The following SLC34A3 variants were observed in gnomAD, a reference collection of about 807,000 sequenced individuals.
SLC34A3 encodes the protein sodium-dependent phosphate transport protein 2C.
SLC34A3 carries 60 observed loss-of-function variants against 43.9 expected under a neutral mutation model. The observed-to-expected ratio is 1.37, with a 90% CI of 1.11 to 1.70. The LOEUF (loss-of-function observed/expected upper bound fraction) is 1.70, where lower values mean the gene tolerates loss of function less well. Ranked by LOEUF, SLC34A3 falls within the 40% of genes most tolerant of loss-of-function variation. The pLI is 0.00. For synonymous variants in SLC34A3, 451 were observed against 386.2 expected, an observed-to-expected ratio of 1.17 and a Z score of -1.97; for missense variants, 969 against 823.8, an observed-to-expected ratio of 1.18 and a Z score of -2.16.
rs1836491923 is a variant in SLC34A3 at position 137,234,832 on chromosome 9, C to T, written c.1335+101C>T. On this transcript the variant is annotated intron_variant, in intron 12 of 12. Coordinates refer to ENST00000673835, the MANE Select transcript of SLC34A3 (RefSeq NM_001177316.2). This position sits in a 1 kb window ranked among gnomAD's most constrained non-coding sequence, Gnocchi z 6.9. ...CCCGGGGCCCTAGGCTGGCTGTGCC[C>T]CCGCCTTCCTGGACCCCTTCCCTGG... 2 of 1,560,164 alleles carry T rather than the reference C, an allele frequency of 1.3e-6. No individual in the cohort carries two copies. The highest frequency in any genetic ancestry group is 1.7e-6 in the Non-Finnish European group (2 of 1,150,774).
Position 137,234,275 on chromosome 9 carries a change from G to T in SLC34A3, c.1092G>T (p.Ala364=). 1 of 1,610,418 alleles carries T rather than the reference G, an allele frequency of 6.2e-7. No individual in the cohort carries two copies. Residue 364 remains alanine, a splice_region_variant and synonymous_variant, in exon 10 of 13, where the codon GCG becomes GCT. Coordinates refer to ENST00000673835, the MANE Select transcript of SLC34A3 (RefSeq NM_001177316.2). This position sits in a 1 kb window ranked among gnomAD's most constrained non-coding sequence, Gnocchi z 6.9. ...VAQVVRTVIN[A]DFPFPLGWLG... ...AGGTCGTGAGGACAGTCATCAATGC[G>T]GGTGAGGGCGTGGGAGGAGGTGCGG...
At position 137,233,384 on chromosome 9, in the gene SLC34A3, C is replaced by G. The variant is rs944066507; in HGVS notation, c.736C>G (p.Leu246Val). Residue 246 changes from leucine (L) to valine (V), a missense_variant, in exon 7 of 13, where the codon CTC becomes GTC. Leu to Val is a conservative substitution (Grantham distance 32). Transcript: ENST00000673835. ...PDILKVLTKP[L>V]THLIVQLDSD... ...CATCCTCAAGGTGCTGACGAAGCCG[C>G]TCACACACCTCATCGTGCAGGTGAG... The G allele has an allele frequency of 1.2e-6, 2 of 1,604,758 alleles. No homozygotes were observed. Among genetic ancestry groups the G allele is most frequent in the Non-Finnish European group, 1.7e-6 (2 of 1,177,308 alleles).
In SLC34A3 at chr9:137,235,444, C is replaced by T. The variant is rs574758665; in HGVS notation, c.1336-508C>T. On this transcript the variant is annotated intron_variant, in intron 12 of 12. Transcript: ENST00000673835. ...TCTGCCCTGTCTCTATCCACTTAGA[C>T]CCTCCCAGTGCAGGGTCCTGCTCCA... Among the ~76,000 whole-genome samples, 3 of 152,310 alleles carry T rather than the reference C, an allele frequency of 2.0e-5. No individual in the cohort carries two copies. The South Asian group carries it at 6.2e-4, about 32-fold the overall frequency.
rs753473573 is a variant in SLC34A3, at chr9:137,234,029, G to A, written c.926-80G>A. 4.6e-5 allele frequency: 68 copies of A among 1,483,238 alleles called. No homozygotes were observed. In the East Asian group the frequency reaches 4.7e-4, roughly 10 times the overall value. 91.9% of individuals were successfully genotyped at this position (1,483,238 alleles called of 1,614,324 possible). A position where few individuals can be genotyped will look rare whatever the true frequency, so the allele number is the denominator to read the frequency against. On this transcript the variant is annotated intron_variant, in intron 9 of 12. Coordinates refer to ENST00000673835, the MANE Select transcript of SLC34A3 (RefSeq NM_001177316.2). The surrounding 1 kb of genome is among the most constrained non-coding windows in gnomAD (Gnocchi z 6.9). The stretch of plus-strand genomic sequence containing the variant: ...TGGAGAGGAACAGCACAGCCCCGGC[G>A]GACAGGCTGCCCTGTGAGGCCCGGC...
Position 137,232,641 on chromosome 9 carries a change from G to A in SLC34A3, c.242G>A (p.Gly81Asp), listed in dbSNP as rs201273897. ...GTCCTCAAGGCCTGCGGGCTCCTCG[G>A]CAGCCTGTACTTCTTCATCTGCTCT... ...GSVLKACGLLGSLYFFICSLD... is the reference protein window; with the variant it reads ...GSVLKACGLLDSLYFFICSLD... The change falls in exon 4 of 13, where the codon GGC (glycine) becomes GAC (aspartate). Residue 81 changes from glycine (G) to aspartate (D), a missense_variant. By Grantham distance (94) the Gly-to-Asp change is moderately conservative. Coordinates refer to ENST00000673835, the MANE Select transcript of SLC34A3 (RefSeq NM_001177316.2). 8.7e-5 allele frequency: 140 copies of A among 1,612,588 alleles called. No individual in the cohort carries two copies. Among genetic ancestry groups the A allele is most frequent in the Admixed American group, 1.7e-5 (1 of 60,006 alleles).
At chr9:137,232,238 G>A in intron 3 of SLC34A3, 77 bp downstream of exon 3, 4 of 1,395,050 alleles carry the variant, frequency 2.9e-6, no homozygotes, top group South Asian at 2.3e-5. Context: ...GAGCAGGGTG[G>A]GGCCTGCCCA....
rs553901281 is a variant in SLC34A3 at position 137,232,961 on chromosome 9, G to A, written c.448+34G>A. On this transcript the variant is annotated intron_variant, in intron 5 of 12. Coordinates refer to ENST00000673835, the MANE Select transcript of SLC34A3 (RefSeq NM_001177316.2). ...ACACTCCCTCCCCGGGTGGTGGGGG[G>A]GGCAGGGTGGGCCGCAGGCTGACTC... 5.0e-6 allele frequency: 8 copies of A among 1,606,404 alleles called. No individual in the cohort carries two copies. The Admixed American group carries it at 1.0e-4, about 20-fold the overall frequency.
In SLC34A3 at chr9:137,236,377, C is replaced by A; in HGVS notation, c.1761C>A (p.Cys587Ter). 1 of 1,539,056 alleles carries A rather than the reference C, an allele frequency of 6.5e-7. No individual in the cohort carries two copies. The change falls in exon 13 of 13, where the codon TGC (cysteine) becomes TGA (stop). Residue 587 changes from cysteine to a stop codon, truncating the protein, a stop_gained. Transcript: ENST00000673835. LOFTEE classifies it high-confidence loss of function. ...AGGCCACCACCAAAGAGGCCTACTG[C>A]TACGAGAACCCTGAGATCTTGGCCT... Reference protein sequence around the residue: ...PPKATTKEAYCYENPEILASQ... With the variant: ...PPKATTKEAY
intron 1 of SLC34A3, among the ~76,000 whole-genome samples, chr9:137,231,335 G>C (rs993357046): frequency 2.2e-4 from 33 of 152,210 alleles, no homozygotes; most frequent in Non-Finnish European, 1.0e-4. Flanking sequence ...GATGACACCA[G>C]ATAGGGGAGG....
In SLC34A3 at chr9:137,233,003, G is replaced by C. The variant is rs1345816189; in HGVS notation, c.449-1G>C. On this transcript the variant is annotated splice_acceptor_variant, in intron 5 of 12. Transcript: ENST00000673835. LOFTEE classifies it high-confidence loss of function. ...GGCTGACTCAGCCCCCCCACCAGCA[G>C]TGCTGACTGTCCGGGTGTCTGTGCC... The C allele has an allele frequency of 8.7e-6, 14 of 1,611,364 alleles. No homozygotes were observed. The highest frequency in any genetic ancestry group is 1.3e-5 in the African/African-American group (1 of 74,862).
chr9:137,235,810 C>T (rs1442212208), intron 12 of SLC34A3, 142 bp from the exon 13 acceptor site: 3 of 770,242 alleles, frequency 3.9e-6, no homozygotes, highest in Non-Finnish European at 6.5e-6. Flanking sequence ...CAGCCCGCCT[C>T]CCAGACGGCC....
intron 7 of SLC34A3, 103 bp from the exon 8 acceptor site, chr9:137,233,530 G>A: frequency 1.9e-6 from 3 of 1,543,892 alleles, no homozygotes; most frequent in South Asian, 1.1e-5. Context: ...GGGGAGGAGA[G>A]GGCAGCAGTG....
rs1344593865 is a variant in SLC34A3 at position 137,236,273 on chromosome 9, C to T, written c.1657C>T (p.Pro553Ser). The T allele has an allele frequency of 2.6e-6, 4 of 1,543,928 alleles. No individual in the cohort carries two copies. The highest frequency in any genetic ancestry group is 3.5e-6 in the Non-Finnish European group (4 of 1,147,178). The change falls in exon 13 of 13, where the codon CCC becomes TCC. Residue 553 changes from proline (P) to serine (S), a missense_variant. Pro to Ser is a moderately conservative substitution (Grantham distance 74). Coordinates refer to ENST00000673835, the MANE Select transcript of SLC34A3 (RefSeq NM_001177316.2). The stretch of plus-strand genomic sequence containing the variant: ...CCGCCTGCGCTCCTGGGCCTGGCTC[C>T]CCGTCTGGCTCCATTCTCTGGAGCC... ...PVRLRSWAWL[P>S]VWLHSLEPWD...
chr9:137,231,590 G>A (rs1392093320), intron 1 of SLC34A3, 74 bp from the exon 2 acceptor site: 2 of 933,410 alleles, frequency 2.1e-6, no homozygotes, highest in Non-Finnish European at 3.5e-6. Context: ...GGGACCCAGG[G>A]GTGTGAATCC....
chr9:137,234,079 C>A lies in SLC34A3; in HGVS notation c.926-30C>A. 1.3e-6 allele frequency: 2 copies of A among 1,501,008 alleles called. No individual in the cohort carries two copies. The highest frequency in any genetic ancestry group is 2.4e-5 in the South Asian group (2 of 83,286). 93.0% of individuals were successfully genotyped at this position (1,501,008 alleles called of 1,614,324 possible). On this transcript the variant is annotated intron_variant, in intron 9 of 12. Coordinates refer to ENST00000673835, the MANE Select transcript of SLC34A3 (RefSeq NM_001177316.2). This position sits in a 1 kb window ranked among gnomAD's most constrained non-coding sequence, Gnocchi z 6.9. ...CCCACCCCGGCCCACCCCCCAGGCT[C>A]CCCCTCACCTGCCCCTGCCCTGCCC...
At chr9:137,233,778 A>ACCCCCCCCCCC in intron 8 of SLC34A3, 56 bp downstream of exon 8, 46 of 1,485,034 alleles carry the variant, frequency 3.1e-5, no homozygotes, top group East Asian at 7.0e-5. Flanking sequence ...CTGCTGAGTC[A>ACCCCCCCCCCC]TCCCGCCCCA....
chr9:137,231,428 C>A (rs1331927416), intron 1 of SLC34A3, among the ~76,000 whole-genome samples: 1 of 152,176 alleles, frequency 6.6e-6, no homozygotes, highest in African/African-American at 2.4e-5. Context: ...GGAGCTGGAG[C>A]CCCTTCGAGT....
intron 6 of SLC34A3, 40 bp from the exon 7 acceptor site, chr9:137,233,169 G>A: frequency 6.4e-7 from 1 of 1,555,718 alleles, no homozygotes; most frequent in South Asian, 1.2e-5. Context: ...CCCCAGCCCG[G>A]GCCCCCCCAC....
chr9:137,231,888 AC>A, intron 2 of SLC34A3, 101 bp downstream of exon 2: 1 of 1,207,536 alleles, frequency 8.3e-7, no homozygotes, highest in Non-Finnish European at 1.2e-6. Context: ...CTCCCGGGGA[AC>A]CCACAGGGCT....
Sources: allele counts gnomAD v4.1 joint callset (sites outside exome capture counted in the v4.1 genomes callset), GRCh38; gene constraint gnomAD v4.1.1; non-coding constraint Gnocchi (gnomAD v3.1); transcripts MANE v1.5; gene names NCBI Gene and HGNC (gene_info 2026-07-23, HGNC 2026-07-21).